GRAMD1C: variants seen among roughly 807,000 people sequenced by gnomAD.
The protein encoded by GRAMD1C is GRAM domain containing 1C, also known as protein Aster-C.
In GRAMD1C, 89 loss-of-function variants were observed where a neutral mutation model predicts 97.8. That is an observed-to-expected ratio of 0.91 (90% CI 0.77 to 1.09). The LOEUF (loss-of-function observed/expected upper bound fraction) is 1.09, where lower values mean the gene tolerates loss of function less well. Among genes scored for constraint, GRAMD1C ranks in the 50% least tolerant of loss-of-function variants. GRAMD1C has a pLI of 0.00. For missense variants in GRAMD1C, 740 were observed against 766.4 expected (o/e 0.97, Z 0.41); for synonymous variants, 256 against 267.0 (o/e 0.96, Z 0.40).
chr3:113,877,482 C>T lies in GRAMD1C; in HGVS notation c.459+1222C>T, dbSNP rs749258594. Among the ~76,000 whole-genome samples the T allele has an allele frequency of 3.9e-5, 6 of 152,132 alleles. No individual in the cohort carries two copies. In the South Asian group the frequency reaches 6.2e-4, roughly 16 times the overall value. The stretch of plus-strand genomic sequence containing the variant: ...CTTTAATTTCCTGGAAGAGCTCTTT[C>T]GTCTTTTCTTGACTTTTATGTCCTT... On this transcript the variant is annotated intron_variant, in intron 5 of 17. Coordinates refer to ENST00000358160, the MANE Select transcript of GRAMD1C (RefSeq NM_017577.5).
At chr3:113,899,898 G>C (rs981569191) in intron 6 of GRAMD1C, among the ~76,000 whole-genome samples, 3 of 152,092 alleles carry the variant, frequency 2.0e-5, no homozygotes, top group Non-Finnish European at 2.9e-5. Flanking sequence ...CCAGACTCTT[G>C]CATTTTATAT....
intron 10 of GRAMD1C, chr3:113,919,173 C>T (rs1936943272): frequency 3.4e-6 from 1 of 296,764 alleles, no homozygotes; most frequent in Admixed American, 4.6e-5. Context: ...TGACAGTTCT[C>T]CTGAGTGAAA....
upstream of GRAMD1C, among the ~76,000 whole-genome samples, chr3:113,836,123 G>A (rs1709627341): frequency 6.6e-6 from 1 of 152,096 alleles, no homozygotes; most frequent in Admixed American, 6.6e-5. Flanking sequence ...AATTAGCCGG[G>A]CATGGTGGTG....
chr3:113,919,709 A>G lies in GRAMD1C; in HGVS notation c.1090+3871A>G, dbSNP rs1936965087. 3 of 613,504 alleles carry G rather than the reference A, an allele frequency of 4.9e-6. No homozygotes were observed. In the African/African-American group the frequency reaches 5.6e-5, roughly 11 times the overall value. The allele number at this position is 613,504 out of a possible 1,614,324, so 38.0% of individuals were successfully genotyped here. On this transcript the variant is annotated intron_variant, in intron 10 of 17. Coordinates refer to ENST00000358160, the MANE Select transcript of GRAMD1C (RefSeq NM_017577.5). ...CACCTGTCCTGATGTTAACAACTGT[A>G]TTAAGATAGAAGTGGGCATTGAAGA... is the stretch of plus-strand genomic sequence containing the variant.
At chr3:113,941,971 A>G (rs930410558) in intron 17 of GRAMD1C, among the ~76,000 whole-genome samples, 1 of 149,686 alleles carries the variant, frequency 6.7e-6, no homozygotes, top group Non-Finnish European at 1.5e-5. Context: ...ACTGGAGTGC[A>G]GTGGCATGAA....
intron 10 of GRAMD1C, chr3:113,919,943 A>C: frequency 1.5e-6 from 1 of 662,214 alleles, no homozygotes; most frequent in Non-Finnish European, 2.9e-6. Flanking sequence ...GCACCAGTAA[A>C]AGGTGAATCA....
In GRAMD1C at chr3:113,885,166, G is replaced by C. The variant is rs1188965766; in HGVS notation, c.540+2334G>C. 4.9e-6 allele frequency: 3 copies of C among 614,912 alleles called. No homozygotes were observed. In the South Asian group the frequency reaches 5.8e-5, roughly 12 times the overall value. 38.1% of individuals were successfully genotyped at this position (614,912 alleles called of 1,614,324 possible). On this transcript the variant is annotated intron_variant, in intron 6 of 17. Coordinates refer to ENST00000358160, the MANE Select transcript of GRAMD1C (RefSeq NM_017577.5). ...GGTGGCTTTCTGAGCCGCCCGCTCC[G>C]TGCCCCTCTCTGCATTCTCTCCTGC...
At chr3:113,866,632 AT>A (rs1355940444) in intron 2 of GRAMD1C, among the ~76,000 whole-genome samples, 1 of 152,010 alleles carries the variant, frequency 6.6e-6, no homozygotes, top group Non-Finnish European at 1.5e-5. Flanking sequence ...TCAAATACAT[AT>A]TTTTTAAGGT....
In GRAMD1C at chr3:113,939,979, A is replaced by G; in HGVS notation, c.1785A>G (p.Gln595=). ...AGTCCTTTTACCGTCTCCGCCTCCAAGAAGAGAAATCTTTAAAGTAAGTCT... is the reference window on the plus strand; with the variant it reads ...AGTCCTTTTACCGTCTCCGCCTCCAGGAAGAGAAATCTTTAAAGTAAGTCT... ...AAQSFYRLRL[Q]EEKSLNLASD... The change falls in exon 16 of 18, where the codon CAA becomes CAG. Residue 595 remains glutamine, a synonymous_variant. Transcript: ENST00000358160. 1 of 1,576,280 alleles carries G rather than the reference A, an allele frequency of 6.3e-7. No individual in the cohort carries two copies. Among genetic ancestry groups the G allele is most frequent in the Non-Finnish European group, 8.7e-7 (1 of 1,145,488 alleles).
rs368787226 is a variant in GRAMD1C at position 113,906,100 on chromosome 3, G to A, written c.789+1828G>A. Among the ~76,000 whole-genome samples, 5 of 152,138 alleles carry A rather than the reference G, an allele frequency of 3.3e-5. No homozygotes were observed. In the East Asian group the frequency reaches 5.8e-4, roughly 18 times the overall value. On this transcript the variant is annotated intron_variant, in intron 8 of 17. Transcript: ENST00000358160. ...TGCTCACATGTTTGTGGTGATGCTG[G>A]TGTAAACAAATCTGTGCTGCCAGGC... is the stretch of plus-strand genomic sequence containing the variant.
chr3:113,846,362 TC>T (rs1340040117), intron 2 of GRAMD1C, among the ~76,000 whole-genome samples: 2 of 152,162 alleles, frequency 1.3e-5, no homozygotes, highest in Non-Finnish European at 2.9e-5. Context: ...CGCCTCGGCC[TC>T]CCAAAGTGCT....
chr3:113,891,045 G>A, intron 6 of GRAMD1C: 1 of 326,868 alleles, frequency 3.1e-6, no homozygotes. Flanking sequence ...TTTCACAGTA[G>A]TTATACCTTT....
At chr3:113,929,876 C>T (rs1042746586) in intron 10 of GRAMD1C, among the ~76,000 whole-genome samples, 3 of 152,124 alleles carry the variant, frequency 2.0e-5, no homozygotes, top group Non-Finnish European at 4.4e-5. Context: ...TAGATAAAGG[C>T]TCCTATGCTT....
At chr3:113,843,886 G>T (rs537789591) in intron 1 of GRAMD1C, among the ~76,000 whole-genome samples, 2 of 152,280 alleles carry the variant, frequency 1.3e-5, no homozygotes, top group South Asian at 4.1e-4. Context: ...TTGACTCTAT[G>T]TGTATATTAA....
In GRAMD1C at chr3:113,915,802, T is replaced by C. The variant is rs1170173436; in HGVS notation, c.1054T>C (p.Phe352Leu). ...MFELLFTSSR[F>L]MQKFASSRNI... is the part of the protein sequence containing the mutation. ...TGAATTGCTCTTTACCAGTTCACGC[T>C]TTATGCAGAAATTTGCCAGTTCTAG... is the stretch of plus-strand genomic sequence containing the variant. Residue 352 changes from phenylalanine (F) to leucine (L), a missense_variant, in exon 10 of 18, where the codon TTT becomes CTT. Transcript: ENST00000358160. 1 of 1,611,732 alleles carries C rather than the reference T, an allele frequency of 6.2e-7. No homozygotes were observed. The highest frequency in any genetic ancestry group is 8.5e-7 in the Non-Finnish European group (1 of 1,178,220).
chr3:113,837,580 G>A (rs533766150), upstream of GRAMD1C, among the ~76,000 whole-genome samples: 1 of 152,272 alleles, frequency 6.6e-6, no homozygotes, highest in Admixed American at 6.5e-5. Flanking sequence ...TTTCTGATTT[G>A]CAATTGGTTG....
At chr3:113,885,236 C>CG (rs1019555921) in intron 6 of GRAMD1C, 58 of 1,015,098 alleles carry the variant, frequency 5.7e-5, no homozygotes, top group Non-Finnish European at 7.9e-5. Context: ...GGGTTGCCCC[C>CG]GGGGGGCTGG....
At position 113,945,388 on chromosome 3, in the gene GRAMD1C, T is replaced by G; in HGVS notation, c.1909-10T>G. 6.5e-7 allele frequency: 1 copy of G among 1,530,866 alleles called. No individual in the cohort carries two copies. Among genetic ancestry groups the G allele is most frequent in the Non-Finnish European group, 8.9e-7 (1 of 1,117,940 alleles). 94.8% of individuals were successfully genotyped at this position (1,530,866 alleles called of 1,614,324 possible). On this transcript the variant is annotated splice_polypyrimidine_tract_variant and intron_variant, in intron 17 of 17. Transcript: ENST00000358160. ...ATTAATCTGATTTTGAAAATTAACT[T>G]TGTTTACAGCTGAAGAGCTCACTCA...
At chr3:113,847,486 C>T (rs180986317) in intron 2 of GRAMD1C, among the ~76,000 whole-genome samples, 14 of 152,276 alleles carry the variant, frequency 9.2e-5, no homozygotes, top group Admixed American at 3.3e-4. Flanking sequence ...TAAATTGGCT[C>T]TAAATAGTAC....
Sources: allele counts gnomAD v4.1 joint callset (sites outside exome capture counted in the v4.1 genomes callset), GRCh38; gene constraint gnomAD v4.1.1; transcripts MANE v1.5; gene names NCBI Gene and HGNC (gene_info 2026-07-23, HGNC 2026-07-21).